Variants in SNX14 observed in about 807,000 individuals in gnomAD.
The protein encoded by SNX14 is sorting nexin 14, also known as sorting nexin-14.
SNX14 carries 93 observed loss-of-function variants against 133.8 expected under a neutral mutation model. That is an observed-to-expected ratio of 0.70 (90% CI 0.59 to 0.83). The LOEUF is 0.83. Ranked by LOEUF, SNX14 falls within the 40% of genes least tolerant of loss-of-function variation. The probability of loss-of-function intolerance (pLI) is 0.00; values close to 1 mark genes in which losing one functional copy is unlikely to be tolerated. For synonymous variants in SNX14, 368 were observed against 365.6 expected (o/e 1.01, Z -0.07); for missense variants, 945 against 1,094.9 (o/e 0.86, Z 1.93).
At chr6:85,550,647 T>TACTCCTGTGCCCGGC (rs1787471319) in intron 7 of SNX14, among the ~76,000 whole-genome samples, 1 of 151,782 alleles carries the variant, frequency 6.6e-6, no homozygotes, top group African/African-American at 2.4e-5. Flanking sequence ...CACAGGCGGG[T>TACTCCTGTGCCCGGC]ACTCCTGTGC....
chr6:85,577,467 CT>C (rs1467397577), intron 1 of SNX14, among the ~76,000 whole-genome samples: 3 of 151,916 alleles, frequency 2.0e-5, no homozygotes, highest in African/African-American at 7.3e-5. Context: ...AAAATCAGTT[CT>C]CTTTGGGCAT....
chr6:85,557,614 G>C (rs1790182448), intron 7 of SNX14, among the ~76,000 whole-genome samples: 1 of 152,092 alleles, frequency 6.6e-6, no homozygotes, highest in African/African-American at 2.4e-5. Context: ...GACAACATGA[G>C]ACTTGTCATA....
At chr6:85,523,708 T>G (rs1360656772) in intron 21 of SNX14, among the ~76,000 whole-genome samples, 1 of 152,004 alleles carries the variant, frequency 6.6e-6, no homozygotes, top group Non-Finnish European at 1.5e-5. Flanking sequence ...GAAGTTGCAG[T>G]GAGCTGAGAT....
intron 2 of SNX14, among the ~76,000 whole-genome samples, chr6:85,573,129 T>C (rs1275748448): frequency 6.6e-6 from 1 of 152,104 alleles, no homozygotes; most frequent in Non-Finnish European, 1.5e-5. Context: ...TGAGTAGAAA[T>C]ACCAACAAAC....
intron 26 of SNX14, 45 bp downstream of exon 26, chr6:85,513,755 G>T: frequency 7.1e-7 from 1 of 1,411,524 alleles, no homozygotes; most frequent in Non-Finnish European, 9.9e-7. Flanking sequence ...GACCTCAACG[G>T]ACTGCTAATC....
chr6:85,593,696 A>T lies in SNX14; in HGVS notation c.23T>A (p.Met8Lys). Residue 8 changes from methionine (M) to lysine (K), a missense_variant, in exon 1 of 29, where the codon ATG becomes AAG. Met to Lys is a moderately conservative substitution (Grantham distance 95). This residue lies in a region of SNX14 where 514 missense variants were observed against 538.8 expected (regional missense o/e 0.95). Coordinates refer to ENST00000314673, the MANE Select transcript of SNX14 (RefSeq NM_153816.6). MVPWVRT[M>K]GQKLKQRLRL... is the part of the protein sequence containing the mutation. The stretch of plus-strand genomic sequence containing the variant: ...CAGCCGCTGCTTCAGCTTCTGCCCC[A>T]TCGTCCGCACCCAGGGCACCATCTC... The T allele has an allele frequency of 6.2e-7, 1 of 1,613,572 alleles. No homozygotes were observed. Among genetic ancestry groups the T allele is most frequent in the Non-Finnish European group, 8.5e-7 (1 of 1,179,894 alleles).
At chr6:85,538,499 T>G (rs1782631675) in intron 16 of SNX14, among the ~76,000 whole-genome samples, 1 of 152,062 alleles carries the variant, frequency 6.6e-6, no homozygotes, top group East Asian at 1.9e-4. Context: ...TTAAAAAAAG[T>G]TCTTTAAACA....
chr6:85,574,173 AT>A (rs1253937250), intron 2 of SNX14, 84 bp downstream of exon 2: 10 of 1,150,762 alleles, frequency 8.7e-6, no homozygotes, highest in Non-Finnish European at 1.1e-5. Flanking sequence ...AATTAAAAAA[AT>A]ATACTGCTTT....
intron 6 of SNX14, among the ~76,000 whole-genome samples, chr6:85,560,825 G>C (rs1359657045): frequency 6.6e-6 from 1 of 151,986 alleles, no homozygotes; most frequent in African/African-American, 2.4e-5. Context: ...CTTGAAGTCA[G>C]GAGTTCGAGA....
chr6:85,507,596 T>G (rs1771154437), intron 27 of SNX14, among the ~76,000 whole-genome samples: 1 of 152,158 alleles, frequency 6.6e-6, no homozygotes, highest in Admixed American at 6.6e-5. Context: ...TATTGAGATC[T>G]CAACAGAATA....
At chr6:85,530,953 G>A (rs1373966235) in intron 18 of SNX14, among the ~76,000 whole-genome samples, 4 of 151,808 alleles carry the variant, frequency 2.6e-5, no homozygotes, top group African/African-American at 9.7e-5. Flanking sequence ...TTACCATATT[G>A]TCCTAATTTA....
chr6:85,528,514 G>A (rs1238874699), intron 19 of SNX14, 152 bp from the exon 20 acceptor site: 3 of 466,082 alleles, frequency 6.4e-6, no homozygotes, highest in African/African-American at 6.0e-5. Flanking sequence ...CACAAAACCA[G>A]AGAGCTTCAA....
At chr6:85,530,127 G>T in intron 19 of SNX14, 65 bp downstream of exon 19, 1 of 918,522 alleles carries the variant, frequency 1.1e-6, no homozygotes, top group Admixed American at 2.6e-5. Context: ...AAATTAATCT[G>T]GTGTCATAGT....
At chr6:85,564,064 T>G (rs925862832) in intron 6 of SNX14, among the ~76,000 whole-genome samples, 1 of 152,176 alleles carries the variant, frequency 6.6e-6, no homozygotes, top group African/African-American at 2.4e-5. Flanking sequence ...GAATGATGGT[T>G]TCCAGCTTCA....
At chr6:85,526,419 G>C (rs760901572) in intron 20 of SNX14, among the ~76,000 whole-genome samples, 182 bp from the exon 21 acceptor site, 6 of 152,286 alleles carry the variant, frequency 3.9e-5, no homozygotes, top group Middle Eastern at 3.4e-3. Flanking sequence ...GGCCTTTATA[G>C]TCAGATATGA....
At chr6:85,577,369 G>A (rs1797678997) in intron 1 of SNX14, among the ~76,000 whole-genome samples, 1 of 152,130 alleles carries the variant, frequency 6.6e-6, no homozygotes, top group African/African-American at 2.4e-5. Context: ...AGTAAGCTGA[G>A]ATCACGCCAC....
chr6:85,534,031 T>C (rs988125334), intron 17 of SNX14, among the ~76,000 whole-genome samples: 1 of 152,318 alleles, frequency 6.6e-6, no homozygotes, highest in Non-Finnish European at 1.5e-5. Context: ...GAAAATATAA[T>C]AGGCCGGGGA....
chr6:85,584,130 C>G (rs1799916060), intron 1 of SNX14, among the ~76,000 whole-genome samples: 2 of 152,222 alleles, frequency 1.3e-5, no homozygotes, highest in East Asian at 1.9e-4. Context: ...ACAAACCTGA[C>G]AAAAACAAGC....
rs954291529 is a variant in SNX14 at position 85,588,434 on chromosome 6, G to T, written c.140+5145C>A. On this transcript the variant is annotated intron_variant, in intron 1 of 28. Transcript: ENST00000314673. ...TAAAAATACAAAAAAAAAATTAGCC[G>T]GGCGCGGTGGCGGGCGCCTGTAGTC... Among the ~76,000 whole-genome samples the T allele has an allele frequency of 2.0e-5, 3 of 151,880 alleles. No homozygotes were observed. In the East Asian group the frequency reaches 5.8e-4, roughly 30 times the overall value.
Sources: allele counts gnomAD v4.1 joint callset (sites outside exome capture counted in the v4.1 genomes callset), GRCh38; gene constraint gnomAD v4.1.1; regional missense constraint gnomAD v4.1.1; transcripts MANE v1.5; gene names NCBI Gene and HGNC (gene_info 2026-07-23, HGNC 2026-07-21).